SCN2A: variants seen among roughly 807,000 people sequenced by gnomAD.
The protein encoded by SCN2A is sodium channel protein type 2 subunit alpha.
Under a neutral mutation model 188.7 loss-of-function variants are expected in SCN2A, and 20 were observed. The observed-to-expected ratio is 0.11, with a 90% CI of 0.07 to 0.15. SCN2A has a LOEUF of 0.15. Among genes scored for constraint, SCN2A ranks in the 10% least tolerant of loss-of-function variants. The probability of loss-of-function intolerance (pLI) is 1.00; values close to 1 mark genes in which losing one functional copy is unlikely to be tolerated. For missense variants in SCN2A, 1,278 were observed against 2,445.0 expected, an observed-to-expected ratio of 0.52 and a Z score of 10.07; for synonymous variants, 804 against 833.1, an observed-to-expected ratio of 0.97 and a Z score of 0.60.
chr2:165,296,028 A>G lies in SCN2A; in HGVS notation c.205A>G (p.Ile69Val), dbSNP rs1460220482. 3 of 1,614,156 alleles carry G rather than the reference A, an allele frequency of 1.9e-6. No individual in the cohort carries two copies. The highest frequency in any genetic ancestry group is 1.7e-5 in the Admixed American group (1 of 60,020). Residue 69 changes from isoleucine to valine, a missense_variant, in exon 2 of 27, where the codon ATT becomes GTT. This residue lies in a region of SCN2A where 141 missense variants were observed against 185.4 expected (regional missense o/e 0.76). Transcript: ENST00000375437. The stretch of plus-strand genomic sequence containing the variant: ...ATCTCTTCCATTTATTTATGGAGAC[A>G]TTCCTCCAGAGATGGTGTCAGTGCC... ...GKSLPFIYGDIPPEMVSVPLE... is the reference protein window; with the variant it reads ...GKSLPFIYGDVPPEMVSVPLE...
At chr2:165,315,814 C>G (rs1559357722) in intron 11 of SCN2A, 56 bp downstream of exon 11, 4 of 1,568,660 alleles carry the variant, frequency 2.5e-6, no homozygotes, top group East Asian at 2.2e-5. Context: ...AAAAAATATG[C>G]CAGAATTTAA....
intron 14 of SCN2A, among the ~76,000 whole-genome samples, chr2:165,340,294 A>G (rs1472535947): frequency 1.4e-5 from 2 of 146,864 alleles, no homozygotes; most frequent in Non-Finnish European, 3.0e-5. Flanking sequence ...ATTTCAAACA[A>G]TGGAGACCTA....
Position 165,388,940 on chromosome 2 carries a change from A to T in SCN2A, c.5134A>T (p.Thr1712Ser). The change falls in exon 27 of 27, where the codon ACC becomes TCC. Residue 1712 changes from threonine (T) to serine (S), a missense_variant. Around this residue, in one of 17 missense-constraint regions of SCN2A, gnomAD observed 47 missense variants for 109.0 expected, o/e 0.43. Transcript: ENST00000375437. ...NSMICLFQIT[T>S]SAGWDGLLAP... ...CATGATCTGCCTGTTCCAAATTACAACCTCTGCTGGCTGGGATGGATTGCT... is the reference window on the plus strand; with the variant it reads ...CATGATCTGCCTGTTCCAAATTACATCCTCTGCTGGCTGGGATGGATTGCT... 6.2e-7 allele frequency: 1 copy of T among 1,613,928 alleles called. No individual in the cohort carries two copies. The highest frequency in any genetic ancestry group is 8.5e-7 in the Non-Finnish European group (1 of 1,179,962).
intron 17 of SCN2A, among the ~76,000 whole-genome samples, chr2:165,360,536 G>A (rs906051790): frequency 2.6e-5 from 4 of 151,740 alleles, no homozygotes; most frequent in Non-Finnish European, 4.4e-5. Flanking sequence ...ATAATATTAG[G>A]TATCCACCAA....
chr2:165,334,711 C>A (rs1005767238), intron 14 of SCN2A, among the ~76,000 whole-genome samples: 7 of 151,590 alleles, frequency 4.6e-5, no homozygotes, highest in Non-Finnish European at 7.4e-5. Flanking sequence ...AAGAAGAAGG[C>A]AAGGATATTT....
chr2:165,291,525 T>TTTCCTTCC (rs369490510), intron 1 of SCN2A, among the ~76,000 whole-genome samples: 1,739 of 58,590 alleles, frequency 0.03, 70 homozygotes, highest in African/African-American at 0.048. Flanking sequence ...CTCTCCTTTC[T>TTTCCTTCC]TTCCTTCCTT....
chr2:165,302,589 A>G (rs6432817), intron 3 of SCN2A, among the ~76,000 whole-genome samples: 86,141 of 152,048 alleles, frequency 0.57, 24,938 homozygotes, highest in Middle Eastern at 0.65. Flanking sequence ...TAAGAAACCA[A>G]TAATTATTAT....
At chr2:165,362,749 T>G (rs543930032) in intron 17 of SCN2A, among the ~76,000 whole-genome samples, 133 of 152,050 alleles carry the variant, frequency 8.7e-4, no homozygotes, top group Non-Finnish European at 1.8e-3. Context: ...ACAAGCATGT[T>G]AAAGTACCCA....
At chr2:165,350,464 C>CTTTT (rs71028479) in intron 16 of SCN2A, among the ~76,000 whole-genome samples, 7 of 73,848 alleles carry the variant, frequency 9.5e-5, no homozygotes, top group African/African-American at 1.8e-4. Flanking sequence ...TGTTTTCTTT[C>CTTTT]TTTTTTTTTT....
chr2:165,362,029 T>C (rs1314065435), intron 17 of SCN2A, among the ~76,000 whole-genome samples: 1 of 151,986 alleles, frequency 6.6e-6, no homozygotes. Context: ...GTGTTAGTAG[T>C]TAGTGGTTGG....
At chr2:165,278,154 C>G (rs1268862386) in intron 1 of SCN2A, among the ~76,000 whole-genome samples, 1 of 152,064 alleles carries the variant, frequency 6.6e-6, no homozygotes, top group African/African-American at 2.4e-5. Flanking sequence ...AAACAATACC[C>G]CTGAAGTGGA....
At chr2:165,261,536 A>G (rs1348436214) in intron 1 of SCN2A, among the ~76,000 whole-genome samples, 1 of 152,228 alleles carries the variant, frequency 6.6e-6, no homozygotes, top group Non-Finnish European at 1.5e-5. Flanking sequence ...GCTTTGCTCT[A>G]TTAACTTTAT....
intron 1 of SCN2A, among the ~76,000 whole-genome samples, chr2:165,291,389 T>A: frequency 6.7e-6 from 1 of 149,624 alleles, no homozygotes; most frequent in African/African-American, 2.5e-5. Flanking sequence ...CCTTCCTTCC[T>A]TCCTTCCTTC....
chr2:165,323,888 A>T (rs1179485640), intron 12 of SCN2A, among the ~76,000 whole-genome samples: 2 of 152,222 alleles, frequency 1.3e-5, no homozygotes, highest in Non-Finnish European at 2.9e-5. Flanking sequence ...TTAAAAGGAG[A>T]TTTGAATACT....
chr2:165,364,075 G>A (rs1312259237), intron 17 of SCN2A, among the ~76,000 whole-genome samples: 11 of 152,094 alleles, frequency 7.2e-5, no homozygotes, highest in Admixed American at 5.9e-4. Context: ...ACTGACTACA[G>A]CATCCATCTT....
intron 25 of SCN2A, among the ~76,000 whole-genome samples, chr2:165,386,087 A>G (rs1441211368): frequency 6.6e-6 from 1 of 152,186 alleles, no homozygotes; most frequent in Non-Finnish European, 1.5e-5. Flanking sequence ...AATAAAATAC[A>G]CTACTTTCTT....
In SCN2A at chr2:165,389,912, G is replaced by T; in HGVS notation, c.*88G>T. ...TGTGTCAACAGGACTCCCACAGGAG[G>T]TCTATGCCAAACTGACTGTTTTTAC... is the stretch of plus-strand genomic sequence containing the variant. On this transcript the variant is annotated 3_prime_UTR_variant, in exon 27 of 27. Transcript: ENST00000375437. This position sits in a 1 kb window ranked among gnomAD's most constrained non-coding sequence, Gnocchi z 4.2. 3 of 1,529,276 alleles carry T rather than the reference G, an allele frequency of 2.0e-6. No individual in the cohort carries two copies. The highest frequency in any genetic ancestry group is 1.2e-5 in the South Asian group (1 of 81,318). 94.7% of individuals were successfully genotyped at this position (1,529,276 alleles called of 1,614,324 possible). A position where few individuals can be genotyped will look rare whatever the true frequency, so the allele number is the denominator to read the frequency against.
intron 1 of SCN2A, chr2:165,273,009 A>G (rs117895872): frequency 6.6e-6 from 1 of 152,122 alleles, no homozygotes; most frequent in South Asian, 2.1e-4. Context: ...TATGGTCACA[A>G]TCAGCCAGTG....
At chr2:165,312,654 A>G (rs979455894) in intron 8 of SCN2A, among the ~76,000 whole-genome samples, 33 of 152,118 alleles carry the variant, frequency 2.2e-4, no homozygotes, top group African/African-American at 1.7e-4. Flanking sequence ...TAATAAATGT[A>G]TAGCTATTTA....
Sources: gnomAD v4.1 joint callset for allele counts (sites outside exome capture counted in the v4.1 genomes callset) on GRCh38, gnomAD v4.1.1 for gene constraint, gnomAD v4.1.1 regional missense constraint, Gnocchi (gnomAD v3.1) non-coding constraint, MANE v1.5 for transcripts, NCBI Gene and HGNC (gene_info 2026-07-23, HGNC 2026-07-21) for gene names.